The following CFHR4 variants were observed in gnomAD, a reference collection of about 807,000 sequenced individuals.
CFHR4 encodes the protein complement factor H related 4, also known as complement factor H-related protein 4.
A neutral mutation model predicts 69.3 loss-of-function variants in CFHR4; 64 were observed. The observed-to-expected ratio is 0.92, with a 90% CI of 0.76 to 1.14. CFHR4 has a LOEUF of 1.14. Among genes scored for constraint, CFHR4 ranks in the 50% most tolerant of loss-of-function variants. CFHR4 has a pLI of 0.00. For missense variants in CFHR4, 636 were observed against 684.9 expected, an observed-to-expected ratio of 0.93 and a Z score of 0.80; for synonymous variants, 244 against 237.0, an observed-to-expected ratio of 1.03 and a Z score of -0.27.
intron 1 of CFHR4, among the ~76,000 whole-genome samples, chr1:196,899,406 A>G (rs1657477730): frequency 6.6e-6 from 1 of 151,298 alleles, no homozygotes; most frequent in African/African-American, 2.4e-5. Flanking sequence ...TGATCTTCCC[A>G]CTGCAACCTC....
At chr1:196,915,646 A>G (rs1658570877) in intron 9 of CFHR4, among the ~76,000 whole-genome samples, 1 of 151,208 alleles carries the variant, frequency 6.6e-6, no homozygotes, top group Non-Finnish European at 1.5e-5. Context: ...AAAAATAAAA[A>G]AATAAAAAAT....
At chr1:196,892,137 T>C (rs1210600717) in intron 1 of CFHR4, among the ~76,000 whole-genome samples, 2 of 151,506 alleles carry the variant, frequency 1.3e-5, no homozygotes, top group Non-Finnish European at 2.9e-5. Context: ...GCTGATAAAA[T>C]TTCCAGAATT....
At position 196,902,426 on chromosome 1, in the gene CFHR4, C is replaced by T. The variant is rs560734727; in HGVS notation, c.67C>T (p.Pro23Ser). Residue 23 changes from proline to serine, a missense_variant, in exon 2 of 10, where the codon CCT (proline) becomes TCT (serine). Transcript: ENST00000608469. ...TTGTTTTTTATTACAAGAAGTGAAA[C>T]CTTGTGATTTTCCAGAAATTCAACA... ...VSCANGQEVKPCDFPEIQHGG... is the reference protein window; with the variant it reads ...VSCANGQEVKSCDFPEIQHGG... 2 of 1,602,766 alleles carry T rather than the reference C, an allele frequency of 1.2e-6. No individual in the cohort carries two copies. The highest frequency in any genetic ancestry group is 1.7e-6 in the Non-Finnish European group (2 of 1,173,542).
intron 6 of CFHR4, among the ~76,000 whole-genome samples, chr1:196,911,841 T>C (rs1658285178): frequency 6.6e-6 from 1 of 151,452 alleles, no homozygotes; most frequent in African/African-American, 2.4e-5. Context: ...CTGTTTACAA[T>C]AGAAACTGAA....
intron 2 of CFHR4, 111 bp from the exon 3 acceptor site, chr1:196,904,997 C>A: frequency 9.4e-7 from 1 of 1,058,838 alleles, no homozygotes; most frequent in Non-Finnish European, 1.3e-6. Flanking sequence ...GTTTTCAATT[C>A]ATTAACAGAT....
chr1:196,901,836 G>C (rs1657628472), intron 1 of CFHR4, among the ~76,000 whole-genome samples: 1 of 151,214 alleles, frequency 6.6e-6, no homozygotes, highest in Non-Finnish European at 1.5e-5. Context: ...TACACTCTTA[G>C]ATATTTAGAT....
At chr1:196,896,900 T>A in intron 1 of CFHR4, among the ~76,000 whole-genome samples, 1 of 151,462 alleles carries the variant, frequency 6.6e-6, no homozygotes, top group East Asian at 2.0e-4. Context: ...TAATCTTTTT[T>A]ATTATTATTA....
intron 3 of CFHR4, 144 bp from the exon 4 acceptor site, chr1:196,906,717 C>A: frequency 1.3e-6 from 1 of 788,340 alleles, no homozygotes; most frequent in Non-Finnish European, 1.9e-6. Context: ...ACAAAAAAAA[C>A]ACTGATTGTC....
In CFHR4 at chr1:196,907,455, A is replaced by G; in HGVS notation, c.756A>G (p.Val252=). 6.2e-7 allele frequency: 1 copy of G among 1,612,140 alleles called. No homozygotes were observed. The highest frequency in any genetic ancestry group is 1.3e-5 in the African/African-American group (1 of 74,460). ...SYYELQGSKY[V]TCSNGDWSEP... ...ATGAACTTCAGGGTTCTAAATATGT[A>G]ACATGTAGTAATGGAGACTGGTCAG... The change falls in exon 5 of 10, where the codon GTA becomes GTG. Residue 252 remains valine, a synonymous_variant. Coordinates refer to ENST00000608469, the MANE Select transcript of CFHR4 (RefSeq NM_001201550.3).
intron 3 of CFHR4, among the ~76,000 whole-genome samples, chr1:196,905,623 A>T (rs892496621): frequency 2.0e-5 from 3 of 151,438 alleles, no homozygotes; most frequent in African/African-American, 7.3e-5. Flanking sequence ...CTTTCTTTGT[A>T]TTTCAAAATT....
chr1:196,906,775 A>C, intron 3 of CFHR4, 86 bp from the exon 4 acceptor site: 4 of 1,391,366 alleles, frequency 2.9e-6, no homozygotes, highest in South Asian at 3.0e-5. Context: ...CTGATTGGTA[A>C]ATTTTATTCC....
At chr1:196,897,953 A>G (rs188023732) in intron 1 of CFHR4, among the ~76,000 whole-genome samples, 1 of 151,528 alleles carries the variant, frequency 6.6e-6, no homozygotes, top group East Asian at 1.9e-4. Context: ...GAGCTAAGAT[A>G]TGTGTACTCA....
At chr1:196,894,258 A>G (rs1657175725) in intron 1 of CFHR4, among the ~76,000 whole-genome samples, 1 of 151,634 alleles carries the variant, frequency 6.6e-6, no homozygotes, top group South Asian at 2.1e-4. Flanking sequence ...TTACAACAAT[A>G]AAAGCTTTTA....
chr1:196,897,027 T>A (rs920196688), intron 1 of CFHR4, among the ~76,000 whole-genome samples: 1 of 151,480 alleles, frequency 6.6e-6, no homozygotes, highest in South Asian at 2.1e-4. Flanking sequence ...ACATAAACAC[T>A]ACTAGCTCCC....
Position 196,916,684 on chromosome 1 carries a change from C to A in CFHR4, c.1541-1526C>A, listed in dbSNP as rs184262067. 2.2e-4 allele frequency among the ~76,000 whole-genome samples: 34 copies of A among 151,730 alleles called. 1 individual carries two copies. The highest frequency in any genetic ancestry group is 1.7e-3 in the South Asian group (8 of 4,822). On this transcript the variant is annotated intron_variant, in intron 9 of 9. Coordinates refer to ENST00000608469, the MANE Select transcript of CFHR4 (RefSeq NM_001201550.3). ...GATTTCATAGAAAAGTGTTAGGTTT[C>A]AGAGATAAATTCTGAGTCTCAAATT...
At chr1:196,908,952 T>C (rs1658078744) in intron 5 of CFHR4, among the ~76,000 whole-genome samples, 1 of 151,562 alleles carries the variant, frequency 6.6e-6, no homozygotes, top group Non-Finnish European at 1.5e-5. Context: ...TAAACCTTAA[T>C]TATTGTCCCT....
chr1:196,890,216 T>C (rs1169287573), intron 1 of CFHR4, among the ~76,000 whole-genome samples: 1 of 151,640 alleles, frequency 6.6e-6, no homozygotes, highest in African/African-American at 2.4e-5. Context: ...GAGTTTTGTC[T>C]AGTTGAATAC....
intron 1 of CFHR4, among the ~76,000 whole-genome samples, chr1:196,891,920 T>A (rs1308358823): frequency 1.3e-5 from 2 of 151,488 alleles, no homozygotes; most frequent in African/African-American, 4.9e-5. Flanking sequence ...TAAGAATGTA[T>A]GCCATCTAAT....
At chr1:196,888,378 AT>A (rs1160358319) in intron 1 of CFHR4, among the ~76,000 whole-genome samples, 170 bp downstream of exon 1, 4 of 151,552 alleles carry the variant, frequency 2.6e-5, no homozygotes, top group Non-Finnish European at 5.9e-5. Flanking sequence ...TTATGAAAAA[AT>A]ATCTCATAAT....
Sources: allele counts gnomAD v4.1 joint callset (sites outside exome capture counted in the v4.1 genomes callset), GRCh38; gene constraint gnomAD v4.1.1; transcripts MANE v1.5; gene names NCBI Gene and HGNC (gene_info 2026-07-23, HGNC 2026-07-21).